SETX: variants seen among roughly 807,000 people sequenced by gnomAD.
The protein encoded by SETX is senataxin, also known as helicase senataxin.
A neutral mutation model predicts 227.2 loss-of-function variants in SETX; 90 were observed. The observed-to-expected ratio is 0.40, with a 90% confidence interval of 0.33 to 0.47. SETX has a LOEUF of 0.47. SETX is among the 20% of genes least tolerant of loss of function. The pLI is 0.91. For missense variants in SETX, 3,052 were observed against 3,181.5 expected, an observed-to-expected ratio of 0.96 and a Z score of 0.98; for synonymous variants, 1,210 against 1,113.2, an observed-to-expected ratio of 1.09 and a Z score of -1.73.
Position 132,264,792 on chromosome 9 carries a change from T to A in SETX, c.7481A>T (p.Lys2494Met). 1 of 1,614,190 alleles carries A rather than the reference T, an allele frequency of 6.2e-7. No homozygotes were observed. Among genetic ancestry groups the A allele is most frequent in the Non-Finnish European group, 8.5e-7 (1 of 1,180,038 alleles). ...TGTCTTGGCAAATCCACTGTCTAGC[T>A]TGCTGCTGGGCAAACCACCCTGGGG... is the stretch of plus-strand genomic sequence containing the variant. ...SRPQGGLPSS[K>M]LDSGFAKTSV... Residue 2494 changes from lysine to methionine, a missense_variant, in exon 26 of 26, where the codon AAG becomes ATG. By Grantham distance (95) the Lys-to-Met change is moderately conservative. This residue lies in a region of SETX where 294 missense variants were observed against 278.8 expected (regional missense o/e 1.05). Coordinates refer to ENST00000224140, the MANE Select transcript of SETX (RefSeq NM_015046.7).
chr9:132,303,317 C>A (rs1456881247), intron 11 of SETX, among the ~76,000 whole-genome samples: 8 of 142,784 alleles, frequency 5.6e-5, no homozygotes, highest in African/African-American at 8.0e-5. Flanking sequence ...ACCACTGCGT[C>A]TGACTTCTAC....
rs2131167172 is a variant in SETX at position 132,275,293 on chromosome 9, T to A, written c.7063A>T (p.Ile2355Phe). Residue 2355 changes from isoleucine to phenylalanine, a missense_variant, in exon 23 of 26, where the codon ATT becomes TTT. By Grantham distance (21) the Ile-to-Phe change is conservative. Transcript: ENST00000224140. ...AACTCTTTGTCCAAATCCTTCTGAA[T>A]CATCGTCTTCTGGGCCTTGTAATGA... ...ITHYKAQKTMIQKDLDKEFDR... is the reference protein window; with the variant it reads ...ITHYKAQKTMFQKDLDKEFDR... The A allele has an allele frequency of 6.2e-7, 1 of 1,614,070 alleles. No individual in the cohort carries two copies. The highest frequency in any genetic ancestry group is 2.2e-5 in the East Asian group (1 of 44,884).
At position 132,327,674 on chromosome 9, in the gene SETX, A is replaced by G; in HGVS notation, c.3924T>C (p.Ala1308=). 5 of 1,613,894 alleles carry G rather than the reference A, an allele frequency of 3.1e-6. No homozygotes were observed. The highest frequency in any genetic ancestry group is 4.2e-6 in the Non-Finnish European group (5 of 1,179,958). The change falls in exon 10 of 26, where the codon GCT becomes GCC. Residue 1308 remains alanine (A), a synonymous_variant. Transcript: ENST00000224140. The stretch of plus-strand genomic sequence containing the variant: ...CAGTTTTGCCATGATCACGTAATTG[A>G]GCTACATAATCCAAAGACCGCTGGG... ...ELSQRSLDYV[A]QLRDHGKTVG... is the part of the protein sequence containing the mutation.
chr9:132,307,253 C>CA (rs1367188751), intron 11 of SETX, among the ~76,000 whole-genome samples: 1 of 150,626 alleles, frequency 6.6e-6, no homozygotes, highest in African/African-American at 2.5e-5. Flanking sequence ...GACTCTGTCT[C>CA]AAAAAAATAA....
intron 4 of SETX, among the ~76,000 whole-genome samples, chr9:132,345,170 C>T (rs182849098): frequency 6.6e-6 from 1 of 152,324 alleles, no homozygotes; most frequent in Admixed American, 6.5e-5. Context: ...TGCTGCTACA[C>T]ATCCTACAAT....
At chr9:132,292,214 A>C (rs977016154) in intron 15 of SETX, among the ~76,000 whole-genome samples, 3 of 152,076 alleles carry the variant, frequency 2.0e-5, no homozygotes, top group African/African-American at 7.2e-5. Context: ...AGGCTGAGGC[A>C]AGAGCATTGC....
chr9:132,321,822 T>C lies in SETX; in HGVS notation c.5274+4502A>G, dbSNP rs1846371843. Among the ~76,000 whole-genome samples, 4 of 152,066 alleles carry C rather than the reference T, an allele frequency of 2.6e-5. No homozygotes were observed. In the Middle Eastern group the frequency reaches 0.01, roughly 391 times the overall value. On this transcript the variant is annotated intron_variant, in intron 10 of 25. Coordinates refer to ENST00000224140, the MANE Select transcript of SETX (RefSeq NM_015046.7). ...GAGATCGTGCCACTGCACTCCAGCC[T>C]GGGCAACAGAGTGAGACTCCGTCTG...
Position 132,327,957 on chromosome 9 carries a change from C to A in SETX, c.3641G>T (p.Arg1214Ile), listed in dbSNP as rs763375641. 6.2e-7 allele frequency: 1 copy of A among 1,614,000 alleles called. No homozygotes were observed. The highest frequency in any genetic ancestry group is 8.5e-7 in the Non-Finnish European group (1 of 1,179,992). ...CTTCTTTTGTGAAACCGTAGTGGCT[C>A]TCTGAATACGTGAATTGGGAGTTGA... ...RTSTPNSRIQRATTVSQKKSS... is the reference protein window; with the variant it reads ...RTSTPNSRIQIATTVSQKKSS... Residue 1214 changes from arginine to isoleucine, a missense_variant, in exon 10 of 26, where the codon AGA becomes ATA. Arg to Ile is a moderately conservative substitution (Grantham distance 97, BLOSUM62 -3). Transcript: ENST00000224140.
intron 22 of SETX, among the ~76,000 whole-genome samples, chr9:132,276,733 A>G (rs1843183519): frequency 6.6e-6 from 1 of 152,148 alleles, no homozygotes; most frequent in African/African-American, 2.4e-5. Flanking sequence ...TAGCCTTCAC[A>G]GTACTTAACC....
At chr9:132,336,599 C>G (rs1035415207) in intron 5 of SETX, 84 bp from the exon 6 acceptor site, 4 of 1,008,868 alleles carry the variant, frequency 4.0e-6, no homozygotes, top group Non-Finnish European at 6.3e-6. Flanking sequence ...ACAGGATTCT[C>G]TGCATATTTT....
At chr9:132,353,777 C>G (rs570742800) in intron 1 of SETX, 22 bp from the exon 2 acceptor site, 2 of 152,200 alleles carry the variant, frequency 1.3e-5, no homozygotes, top group Non-Finnish European at 2.9e-5. Context: ...AAACAAAAAA[C>G]GAAATTGGTA....
intron 16 of SETX, 22 bp downstream of exon 16, chr9:132,288,526 GTA>G: frequency 1.9e-6 from 3 of 1,556,370 alleles, no homozygotes; most frequent in Non-Finnish European, 1.8e-6. Context: ...GAAAACACTA[GTA>G]TATACCACAT....
intron 10 of SETX, among the ~76,000 whole-genome samples, chr9:132,320,593 C>A (rs1347420494): frequency 4.9e-5 from 3 of 61,062 alleles, no homozygotes; most frequent in South Asian, 7.6e-4. Context: ...GACTCCAACT[C>A]AAAAAAAAAA....
In SETX at chr9:132,271,820, A is replaced by C; in HGVS notation, c.7101-12T>G. 1 of 1,599,096 alleles carries C rather than the reference A, an allele frequency of 6.3e-7. No individual in the cohort carries two copies. The highest frequency in any genetic ancestry group is 8.6e-7 in the Non-Finnish European group (1 of 1,166,390). On this transcript the variant is annotated splice_polypyrimidine_tract_variant and intron_variant, in intron 23 of 25. Transcript: ENST00000224140. Reference sequence around the variant, plus strand: ...CTACTTCTGCTGGTCTATTTACAAAAGAGAAACATATTTACTGGAAAAAGG... The same window carrying C: ...CTACTTCTGCTGGTCTATTTACAAACGAGAAACATATTTACTGGAAAAAGG...
intron 10 of SETX, among the ~76,000 whole-genome samples, chr9:132,322,739 GAATT>G (rs1490049856): frequency 6.6e-6 from 1 of 151,958 alleles, no homozygotes; most frequent in African/African-American, 2.4e-5. Context: ...CTGAAAAAAG[GAATT>G]AACAGAAAGG....
chr9:132,283,270 A>C lies in SETX; in HGVS notation c.6540T>G (p.Val2180=). Residue 2180 remains valine (V), a synonymous_variant, in exon 19 of 26, where the codon GTT becomes GTG. Transcript: ENST00000224140. ...TGGCTGACCGTTCACTGACCTCATC[A>C]ACAATGACACAGCTGAAGGGGACAC... ...QGGVPFSCVI[V]DEAGQSCEIE... The C allele has an allele frequency of 1.2e-6, 2 of 1,614,208 alleles. No individual in the cohort carries two copies. The highest frequency in any genetic ancestry group is 1.3e-5 in the African/African-American group (1 of 75,062).
chr9:132,324,568 T>A (rs563154638), intron 10 of SETX, among the ~76,000 whole-genome samples: 11 of 152,294 alleles, frequency 7.2e-5, no homozygotes, highest in African/African-American at 2.6e-4. Context: ...TATCATCTGC[T>A]CATAGAGGTT....
At chr9:132,337,013 C>G (rs34553155) in intron 5 of SETX, among the ~76,000 whole-genome samples, 1,598 of 152,190 alleles carry the variant, frequency 0.011, 11 homozygotes, top group Non-Finnish European at 0.016. Flanking sequence ...TTGCAGTGAG[C>G]CAAGATCCTA....
chr9:132,279,707 A>T (rs1415196758), intron 20 of SETX, among the ~76,000 whole-genome samples: 2 of 152,276 alleles, frequency 1.3e-5, no homozygotes, highest in Admixed American at 1.3e-4. Flanking sequence ...GCGTTAGCTC[A>T]CAAAACCTAA....
Sources: allele counts gnomAD v4.1 joint callset (sites outside exome capture counted in the v4.1 genomes callset), GRCh38; gene constraint gnomAD v4.1.1; regional missense constraint gnomAD v4.1.1; transcripts MANE v1.5; gene names NCBI Gene and HGNC (gene_info 2026-07-23, HGNC 2026-07-21).